NUAK1: variants seen among roughly 807,000 people sequenced by gnomAD.
The protein encoded by NUAK1 is NUAK family kinase 1.
A neutral mutation model predicts 56.9 loss-of-function variants in NUAK1; 26 were observed. That is an observed-to-expected ratio of 0.46 (90% confidence interval 0.33 to 0.63). The LOEUF (loss-of-function observed/expected upper bound fraction) is 0.63, where lower values mean the gene tolerates loss of function less well. Among genes scored for constraint, NUAK1 ranks in the 30% least tolerant of loss-of-function variants. The probability of loss-of-function intolerance (pLI) is 0.02; values close to 1 mark genes in which losing one functional copy is unlikely to be tolerated. For synonymous variants in NUAK1, 337 were observed against 336.0 expected (o/e 1.00, Z -0.03); for missense variants, 727 against 876.1 (o/e 0.83, Z 2.15).
At chr12:106,112,384 T>G (rs1354093916) in intron 1 of NUAK1, among the ~76,000 whole-genome samples, 1 of 151,808 alleles carries the variant, frequency 6.6e-6, no homozygotes, top group Non-Finnish European at 1.5e-5. Context: ...AAAGTGCTCC[T>G]GCTCTTGCCT....
chr12:106,101,398 A>G (rs2032746278), intron 2 of NUAK1, among the ~76,000 whole-genome samples: 1 of 152,206 alleles, frequency 6.6e-6, no homozygotes, highest in South Asian at 2.1e-4. Flanking sequence ...AGTACTTCAG[A>G]ACGTGACCCT....
At chr12:106,114,433 C>G (rs2032896295) in intron 1 of NUAK1, among the ~76,000 whole-genome samples, 3 of 152,182 alleles carry the variant, frequency 2.0e-5, no homozygotes, top group Admixed American at 1.3e-4. Context: ...ACCAACCTCA[C>G]AAGGTTGCTG....
At chr12:106,070,555 C>T (rs1184862794) in intron 6 of NUAK1, among the ~76,000 whole-genome samples, 2 of 152,168 alleles carry the variant, frequency 1.3e-5, no homozygotes, top group Non-Finnish European at 2.9e-5. Context: ...AGCAAGCAAA[C>T]AGGACTCCTA....
chr12:106,134,164 G>T (rs2033106555), intron 1 of NUAK1, among the ~76,000 whole-genome samples: 1 of 152,174 alleles, frequency 6.6e-6, no homozygotes, highest in South Asian at 2.1e-4. Flanking sequence ...GCGCCTTACT[G>T]GTCCCACCTC....
chr12:106,097,615 G>A (rs1184497757), intron 2 of NUAK1, among the ~76,000 whole-genome samples: 1 of 152,208 alleles, frequency 6.6e-6, no homozygotes, highest in Non-Finnish European at 1.5e-5. Context: ...TAAACTGTTT[G>A]TAGATATTTC....
chr12:106,079,899 C>G (rs536675576), intron 4 of NUAK1, among the ~76,000 whole-genome samples: 1 of 152,310 alleles, frequency 6.6e-6, no homozygotes, highest in Admixed American at 6.5e-5. Flanking sequence ...ATCTAGTTCA[C>G]TATTAAATCC....
Position 106,072,813 on chromosome 12 carries a change from G to C in NUAK1, c.610C>G (p.Gln204Glu), listed in dbSNP as rs368073167. Residue 204 changes from glutamine to glutamate, a missense_variant, in exon 5 of 7, where the codon CAG becomes GAG. Physicochemically the swap from Gln to Glu is conservative, Grantham distance 29. Transcript: ENST00000261402. ...AACGTTTGTAAGAACTTATCCTTCT[G>C]GTACAGGTTGGAAAGCCCAAAGTCA... is the stretch of plus-strand genomic sequence containing the variant. ...IADFGLSNLY[Q>E]KDKFLQTFCG... The C allele has an allele frequency of 1.2e-6, 2 of 1,613,866 alleles. No homozygotes were observed. The highest frequency in any genetic ancestry group is 2.7e-5 in the African/African-American group (2 of 74,906).
rs1277743077 is a variant in NUAK1 at position 106,064,208 on chromosome 12, A to G, written c.*2594T>C. ...GTAGGGATGACAGGACTTAATGATG[A>G]AGCAGGGAGCTGCTTTAATGGCTTT... On this transcript the variant is annotated 3_prime_UTR_variant, in exon 7 of 7. Coordinates refer to ENST00000261402, the MANE Select transcript of NUAK1 (RefSeq NM_014840.3). The G allele has an allele frequency of 6.6e-6, 1 of 152,470 alleles. No homozygotes were observed. Among genetic ancestry groups the G allele is most frequent in the Non-Finnish European group, 1.5e-5 (1 of 68,054 alleles). The allele number at this position is 152,470 out of a possible 1,614,324, so 9.4% of individuals were successfully genotyped here. A position where few individuals can be genotyped will look rare whatever the true frequency, so the allele number is the denominator to read the frequency against.
At chr12:106,124,889 C>T (rs926518604) in intron 1 of NUAK1, among the ~76,000 whole-genome samples, 1 of 151,816 alleles carries the variant, frequency 6.6e-6, no homozygotes, top group Non-Finnish European at 1.5e-5. Flanking sequence ...CCCAGCTACT[C>T]GGGAGGTTGA....
At chr12:106,128,693 G>A (rs1438661054) in intron 1 of NUAK1, among the ~76,000 whole-genome samples, 4 of 152,102 alleles carry the variant, frequency 2.6e-5, no homozygotes, top group Non-Finnish European at 5.9e-5. Flanking sequence ...TTTTAAACAG[G>A]GAAATTGCCC....
chr12:106,109,368 G>A (rs1476408667), intron 1 of NUAK1, among the ~76,000 whole-genome samples: 1 of 152,030 alleles, frequency 6.6e-6, no homozygotes, highest in Non-Finnish European at 1.5e-5. Context: ...CCCTCTCAGG[G>A]AGATCCTTCC....
chr12:106,121,726 G>C (rs1372727513), intron 1 of NUAK1, among the ~76,000 whole-genome samples: 1 of 152,032 alleles, frequency 6.6e-6, no homozygotes, highest in Non-Finnish European at 1.5e-5. Context: ...TTCCAGCCTG[G>C]GGTACAGAGC....
At chr12:106,134,279 G>A (rs540464665) in intron 1 of NUAK1, among the ~76,000 whole-genome samples, 239 of 152,358 alleles carry the variant, frequency 1.6e-3, no homozygotes, top group African/African-American at 5.4e-3. Flanking sequence ...TGCATGTGAC[G>A]TCAACACACC....
chr12:106,068,953 T>C (rs1044300497), intron 6 of NUAK1, among the ~76,000 whole-genome samples: 1 of 152,190 alleles, frequency 6.6e-6, no homozygotes, highest in Non-Finnish European at 1.5e-5. Context: ...CTTGAACGCC[T>C]ACAATGTGCC....
Position 106,067,883 on chromosome 12 carries a change from T to C in NUAK1, c.905A>G (p.Asn302Ser), listed in dbSNP as rs754767637. The C allele has an allele frequency of 5.6e-6, 9 of 1,614,184 alleles. No individual in the cohort carries two copies. The Admixed American group carries it at 1.2e-4, about 21-fold the overall frequency. ...ATAGCCCCAGTTCACCCACCAGTGG[T>C]TGGCAATGTCCTCAATAGTGGCCCG... The part of the protein sequence containing the change: ...DRRATIEDIA[N>S]HWWVNWGYKS... The change falls in exon 7 of 7, where the codon AAC becomes AGC. Residue 302 changes from asparagine to serine, a missense_variant. Asn to Ser is a conservative substitution (Grantham distance 46). Transcript: ENST00000261402. The surrounding 1 kb of genome is among the most constrained non-coding windows in gnomAD (Gnocchi z 6.0).
chr12:106,104,263 A>AGG (rs2032777901), intron 2 of NUAK1: 3 of 152,040 alleles, frequency 2.0e-5, no homozygotes, highest in Non-Finnish European at 2.9e-5. Flanking sequence ...ATGGGGTTTC[A>AGG]CCATGTTGGC....
chr12:106,082,888 G>C (rs1014242696), intron 4 of NUAK1, among the ~76,000 whole-genome samples: 8 of 152,212 alleles, frequency 5.3e-5, no homozygotes, highest in Admixed American at 2.0e-4. Flanking sequence ...CCAGGGACCA[G>C]GGATAAGCCA....
At position 106,070,864 on chromosome 12, in the gene NUAK1, A is replaced by C. The variant is rs1565918260; in HGVS notation, c.742T>G (p.Tyr248Asp). The change falls in exon 6 of 7, where the codon TAT (tyrosine) becomes GAT (aspartate). Residue 248 changes from tyrosine (Y) to aspartate (D), a missense_variant. Tyr to Asp is a radical substitution (Grantham distance 160, BLOSUM62 -3). Transcript: ENST00000261402. ...AAACCATCGAAGGGCATTGTTCCAT[A>C]AACAAGAGTGTAAAGCAACACACCC... is the stretch of plus-strand genomic sequence containing the variant. Reference protein sequence around the residue: ...ALGVLLYTLVYGTMPFDGFDH... With the variant: ...ALGVLLYTLVDGTMPFDGFDH... 7 of 1,614,150 alleles carry C rather than the reference A, an allele frequency of 4.3e-6. No homozygotes were observed. The highest frequency in any genetic ancestry group is 5.1e-6 in the Non-Finnish European group (6 of 1,180,022).
Position 106,067,615 on chromosome 12 carries a change from C to T in NUAK1, c.1173G>A (p.Lys391=), listed in dbSNP as rs1168513737. 2.5e-6 allele frequency: 4 copies of T among 1,614,242 alleles called. No homozygotes were observed. The highest frequency in any genetic ancestry group is 2.2e-5 in the East Asian group (1 of 44,880). The change falls in exon 7 of 7, where the codon AAG becomes AAA. Residue 391 remains lysine, a synonymous_variant. Coordinates refer to ENST00000261402, the MANE Select transcript of NUAK1 (RefSeq NM_014840.3). This position sits in a 1 kb window ranked among gnomAD's most constrained non-coding sequence, Gnocchi z 6.0. ...TCCCCTTGGGCCTCTTAGAACTCAA[C>T]TTGGATGGGCTTTCAGGCACTGCAT... is the stretch of plus-strand genomic sequence containing the variant. ...GQDAVPESPS[K]LSSKRPKGIL...
Sources: allele counts gnomAD v4.1 joint callset (sites outside exome capture counted in the v4.1 genomes callset), GRCh38; gene constraint gnomAD v4.1.1; non-coding constraint Gnocchi (gnomAD v3.1); transcripts MANE v1.5; gene names NCBI Gene and HGNC (gene_info 2026-07-23, HGNC 2026-07-21).